Variants in GRM7 observed in about 807,000 individuals in gnomAD.
GRM7 encodes the protein glutamate metabotropic receptor 7, also known as metabotropic glutamate receptor 7.
Under a neutral mutation model 84.5 loss-of-function variants are expected in GRM7, and 35 were observed. The observed-to-expected ratio is 0.41, with a 90% CI of 0.32 to 0.55. GRM7 has a LOEUF of 0.55. Ranked by LOEUF, GRM7 falls within the 20% of genes least tolerant of loss-of-function variation. The probability of loss-of-function intolerance (pLI) is 0.19; values close to 1 mark genes in which losing one functional copy is unlikely to be tolerated. For missense variants in GRM7, 1,003 were observed against 1,194.6 expected, an observed-to-expected ratio of 0.84 and a Z score of 2.36; for synonymous variants, 487 against 455.1, an observed-to-expected ratio of 1.07 and a Z score of -0.89.
intron 1 of GRM7, among the ~76,000 whole-genome samples, chr3:6,917,977 C>T (rs976280735): frequency 1.3e-5 from 2 of 152,156 alleles, no homozygotes; most frequent in African/African-American, 2.4e-5. Context: ...GGTTTAGCTG[C>T]ACAATTGATA....
chr3:7,066,409 AACTAGAAAACCTAG>A (rs1697664599), intron 1 of GRM7, among the ~76,000 whole-genome samples: 1 of 151,962 alleles, frequency 6.6e-6, no homozygotes, highest in South Asian at 2.1e-4. Context: ...TATGCACATA[AACTAGAAAACCTAG>A]AGGAGATGGA....
chr3:7,344,239 C>T (rs1178394812), intron 4 of GRM7, among the ~76,000 whole-genome samples: 1 of 140,040 alleles, frequency 7.1e-6, no homozygotes, highest in Non-Finnish European at 1.5e-5. Context: ...TGTTCTCCCT[C>T]TTCCCACCCT....
chr3:7,123,195 A>T (rs1693281823), intron 1 of GRM7, among the ~76,000 whole-genome samples: 1 of 152,192 alleles, frequency 6.6e-6, no homozygotes. Context: ...ATGTGTGTTG[A>T]GAATGTTTAA....
chr3:6,875,379 T>C (rs932424347), intron 1 of GRM7, among the ~76,000 whole-genome samples: 3 of 152,158 alleles, frequency 2.0e-5, no homozygotes, highest in Non-Finnish European at 4.4e-5. Context: ...GTAAATTGAA[T>C]CATGGGGGTG....
chr3:7,218,189 A>G (rs1020538202), intron 2 of GRM7, among the ~76,000 whole-genome samples: 1 of 152,132 alleles, frequency 6.6e-6, no homozygotes, highest in Non-Finnish European at 1.5e-5. Flanking sequence ...AAAACTATGC[A>G]TGTGTAAATA....
At chr3:7,435,689 T>C (rs1697018374) in intron 5 of GRM7, among the ~76,000 whole-genome samples, 1 of 59,028 alleles carries the variant, frequency 1.7e-5, no homozygotes, top group African/African-American at 4.4e-5. Context: ...GTTTTTTTTT[T>C]TTTTTTTTTT....
chr3:6,979,039 A>G (rs1694101464), intron 1 of GRM7, among the ~76,000 whole-genome samples: 1 of 152,184 alleles, frequency 6.6e-6, no homozygotes, highest in South Asian at 2.1e-4. Flanking sequence ...AGATAAAGAC[A>G]AAATCAGATC....
intron 1 of GRM7, among the ~76,000 whole-genome samples, chr3:7,139,059 G>A (rs999503334): frequency 1.4e-4 from 20 of 145,084 alleles, no homozygotes; most frequent in African/African-American, 1.0e-4. Context: ...ATAATATATA[G>A]TACATTATAT....
chr3:7,511,859 G>C (rs751192730), intron 7 of GRM7, among the ~76,000 whole-genome samples: 2 of 152,102 alleles, frequency 1.3e-5, no homozygotes, highest in Non-Finnish European at 2.9e-5. Flanking sequence ...TGACCATTTA[G>C]GGCTGGGAAC....
chr3:6,965,624 C>A (rs1048683740), intron 1 of GRM7, among the ~76,000 whole-genome samples: 10 of 152,124 alleles, frequency 6.6e-5, no homozygotes, highest in African/African-American at 2.2e-4. Flanking sequence ...TGTGAGCCAC[C>A]ATACCTGGCC....
chr3:6,932,538 T>C (rs559757149), intron 1 of GRM7, among the ~76,000 whole-genome samples: 1 of 152,116 alleles, frequency 6.6e-6, no homozygotes, highest in Non-Finnish European at 1.5e-5. Flanking sequence ...TTGGGGATAA[T>C]AAAGGAAACA....
intron 4 of GRM7, among the ~76,000 whole-genome samples, chr3:7,377,525 G>A (rs1054327404): frequency 6.6e-6 from 1 of 152,306 alleles, no homozygotes; most frequent in Admixed American, 6.5e-5. Context: ...GAAGGAAGAA[G>A]AAAGGGGAGA....
rs3220585 is a variant in GRM7, at chr3:6,877,809, TCACACACACACACACACA to T, written c.519+15929_519+15946del. 5.8e-4 allele frequency among the ~76,000 whole-genome samples: 85 copies of T among 145,646 alleles called. 1 individual carries two copies. Among genetic ancestry groups the T allele is most frequent in the Non-Finnish European group, 8.3e-4 (55 of 66,390 alleles). On this transcript the variant is annotated intron_variant, in intron 1 of 9. Coordinates refer to ENST00000357716, the MANE Select transcript of GRM7 (RefSeq NM_000844.4). ...ATATACACATATACCTACACAGATA[TCACACACACACACACACA>T]CACACACACACACACACACACACAC...
chr3:7,183,411 G>A (rs2125099163), intron 2 of GRM7, among the ~76,000 whole-genome samples: 1 of 152,286 alleles, frequency 6.6e-6, no homozygotes, highest in African/African-American at 2.4e-5. Context: ...TGGATTGCCT[G>A]AGATCAGAAG....
chr3:7,640,785 T>A (rs1157483483), intron 8 of GRM7, among the ~76,000 whole-genome samples: 1 of 152,194 alleles, frequency 6.6e-6, no homozygotes, highest in Non-Finnish European at 1.5e-5. Context: ...TCTGGAGTGA[T>A]ATCATCTGCA....
intron 4 of GRM7, among the ~76,000 whole-genome samples, chr3:7,337,902 T>G (rs1050124638): frequency 4.7e-4 from 72 of 152,148 alleles, no homozygotes; most frequent in African/African-American, 1.7e-3. Flanking sequence ...ATCCCACTAC[T>G]GGGTATCTAC....
intron 8 of GRM7, among the ~76,000 whole-genome samples, chr3:7,666,111 T>TG (rs1699690033): frequency 1.3e-5 from 2 of 152,162 alleles, no homozygotes; most frequent in Non-Finnish European, 2.9e-5. Flanking sequence ...AGCAGGCTGC[T>TG]CTTAGGGAGC....
At chr3:7,342,330 A>G (rs1692679007) in intron 4 of GRM7, among the ~76,000 whole-genome samples, 1 of 152,126 alleles carries the variant, frequency 6.6e-6, no homozygotes, top group Non-Finnish European at 1.5e-5. Context: ...CAAAAGTTCT[A>G]GGGTTTGGAT....
At chr3:7,472,383 C>T (rs768093386) in intron 7 of GRM7, among the ~76,000 whole-genome samples, 1 of 152,094 alleles carries the variant, frequency 6.6e-6, no homozygotes, top group Non-Finnish European at 1.5e-5. Context: ...TACTTAAACA[C>T]TTTTGGTCTG....
Sources: allele counts gnomAD v4.1 joint callset (sites outside exome capture counted in the v4.1 genomes callset), GRCh38; gene constraint gnomAD v4.1.1; transcripts MANE v1.5; gene names NCBI Gene and HGNC (gene_info 2026-07-23, HGNC 2026-07-21).